Variants in KCNIP4 observed in about 807,000 individuals in gnomAD.
The protein encoded by KCNIP4 is Kv channel-interacting protein 4.
Under a neutral mutation model 34.0 loss-of-function variants are expected in KCNIP4, and 12 were observed. That is an observed-to-expected ratio of 0.35 (90% confidence interval 0.23 to 0.57). The LOEUF is 0.57. Ranked by LOEUF, KCNIP4 falls within the 20% of genes least tolerant of loss-of-function variation. KCNIP4 has a pLI of 0.83. For missense variants in KCNIP4, 238 were observed against 311.7 expected (o/e 0.76, Z 1.78); for synonymous variants, 124 against 102.2 (o/e 1.21, Z -1.29).
intron 1 of KCNIP4, among the ~76,000 whole-genome samples, chr4:21,397,987 C>T (rs918242097): frequency 7.2e-5 from 11 of 152,174 alleles, no homozygotes; most frequent in African/African-American, 2.4e-4. Context: ...TCACACACAC[C>T]GTGGGGTCAC....
intron 1 of KCNIP4, among the ~76,000 whole-genome samples, chr4:21,392,749 T>C (rs1265835363): frequency 2.0e-5 from 3 of 152,238 alleles, no homozygotes; most frequent in Non-Finnish European, 4.4e-5. Flanking sequence ...TCTGAAATTC[T>C]CATTATTAAC....
chr4:20,744,027 GGC>G (rs1244400626), intron 5 of KCNIP4, among the ~76,000 whole-genome samples: 2 of 152,042 alleles, frequency 1.3e-5, no homozygotes, highest in Non-Finnish European at 2.9e-5. Context: ...CATCATCACT[GGC>G]CATCAGAGAA....
At chr4:21,553,574 C>T (rs1738753040) in intron 1 of KCNIP4, among the ~76,000 whole-genome samples, 1 of 151,992 alleles carries the variant, frequency 6.6e-6, no homozygotes, top group Non-Finnish European at 1.5e-5. Context: ...CTCCATTCTG[C>T]TTGGTGAGGC....
chr4:21,519,438 ATATGTATGTGTATATACACATATG>A (rs1735115895), intron 1 of KCNIP4, among the ~76,000 whole-genome samples: 1 of 138,980 alleles, frequency 7.2e-6, no homozygotes, highest in African/African-American at 2.8e-5. Context: ...ATATGTGTGT[ATATGTATGTGTATATACACATATG>A]TGTGTATGTG....
intron 1 of KCNIP4, among the ~76,000 whole-genome samples, chr4:21,036,356 C>T (rs1741442067): frequency 6.6e-6 from 1 of 152,106 alleles, no homozygotes; most frequent in Admixed American, 6.5e-5. Flanking sequence ...ATGCTAAGCA[C>T]AGGCAAGGGA....
rs372244900 is a variant in KCNIP4 at position 21,126,951 on chromosome 4, AG to A, written c.62-244243del. Among the ~76,000 whole-genome samples, 716 of 152,358 alleles carry A rather than the reference AG, an allele frequency of 4.7e-3. 7 individuals carry two copies. The highest frequency in any genetic ancestry group is 0.016 in the African/African-American group (677 of 41,586). Reference sequence around the variant, plus strand: ...AGGCTTTTACATGGGCTCTCTGTCAAGGTCAGGCATGAATAGCAAGTCCTAA... The same window carrying A: ...AGGCTTTTACATGGGCTCTCTGTCAAGTCAGGCATGAATAGCAAGTCCTAA... On this transcript the variant is annotated intron_variant, in intron 1 of 8. Coordinates refer to ENST00000382152, the MANE Select transcript of KCNIP4 (RefSeq NM_025221.6).
At chr4:20,996,139 A>T (rs960021722) in intron 1 of KCNIP4, among the ~76,000 whole-genome samples, 73 of 152,176 alleles carry the variant, frequency 4.8e-4, no homozygotes, top group Non-Finnish European at 7.4e-5. Context: ...AACAAATCCC[A>T]TTGGTTCCAC....
At chr4:21,023,887 A>C (rs1740301099) in intron 1 of KCNIP4, among the ~76,000 whole-genome samples, 1 of 152,156 alleles carries the variant, frequency 6.6e-6, no homozygotes, top group South Asian at 2.1e-4. Context: ...GTCTGAAAAA[A>C]AACGAAAAAA....
intron 1 of KCNIP4, among the ~76,000 whole-genome samples, chr4:21,234,752 A>G (rs1325596500): frequency 2.0e-5 from 3 of 151,348 alleles, no homozygotes; most frequent in African/African-American, 7.3e-5. Context: ...GGTTCAAGAG[A>G]TTCTCCTGCC....
chr4:20,779,575 A>ACC (rs1560459276), intron 3 of KCNIP4, among the ~76,000 whole-genome samples: 19 of 16,958 alleles, frequency 1.1e-3, no homozygotes, highest in South Asian at 2.1e-3. Flanking sequence ...CCTGCCCCAC[A>ACC]ACCCCCCCCC....
intron 1 of KCNIP4, among the ~76,000 whole-genome samples, chr4:21,067,383 G>A (rs1377782165): frequency 6.6e-6 from 1 of 152,070 alleles, no homozygotes; most frequent in African/African-American, 2.4e-5. Flanking sequence ...AGAGGAAAGA[G>A]TAAAGGGGAT....
intron 1 of KCNIP4, among the ~76,000 whole-genome samples, chr4:21,646,351 G>A (rs1007882128): frequency 1.3e-5 from 2 of 152,074 alleles, no homozygotes; most frequent in African/African-American, 4.8e-5. Context: ...CTTACCTACA[G>A]AAGTTAAGTC....
intron 1 of KCNIP4, among the ~76,000 whole-genome samples, chr4:21,417,126 T>TCTTCACTCCCTCTCACTCTATGAAGC (rs1725017966): frequency 6.6e-6 from 1 of 152,116 alleles, no homozygotes; most frequent in African/African-American, 2.4e-5. Context: ...GAGATCAGGG[T>TCTTCACTCCCTCTCACTCTATGAAGC]CTTCACTCCC....
intron 1 of KCNIP4, among the ~76,000 whole-genome samples, chr4:21,552,911 C>T (rs1429231957): frequency 6.6e-6 from 1 of 151,966 alleles, no homozygotes; most frequent in Non-Finnish European, 1.5e-5. Context: ...GTAAAAGAGC[C>T]ATGGAAATTC....
chr4:21,702,589 G>C (rs1004475734), intron 1 of KCNIP4, among the ~76,000 whole-genome samples: 1 of 151,836 alleles, frequency 6.6e-6, no homozygotes, highest in African/African-American at 2.4e-5. Context: ...TGTTAAGTAA[G>C]TAAATTTAAT....
chr4:21,514,935 T>C (rs1381939043), intron 1 of KCNIP4, among the ~76,000 whole-genome samples: 1 of 152,202 alleles, frequency 6.6e-6, no homozygotes, highest in Non-Finnish European at 1.5e-5. Context: ...TCATTCATAC[T>C]TTCTTACTTC....
intron 1 of KCNIP4, among the ~76,000 whole-genome samples, chr4:21,233,562 T>G (rs1758954871): frequency 6.6e-6 from 1 of 151,628 alleles, no homozygotes; most frequent in Non-Finnish European, 1.5e-5. Flanking sequence ...GAGAGGTGGT[T>G]AAAAAACCAA....
At chr4:20,730,436 A>C (rs111965695) in intron 8 of KCNIP4, among the ~76,000 whole-genome samples, 3 of 152,072 alleles carry the variant, frequency 2.0e-5, no homozygotes, top group African/African-American at 7.2e-5. Flanking sequence ...GAAACTACAG[A>C]GGTGCAGAGG....
At chr4:21,794,201 A>G (rs1037955521) in intron 1 of KCNIP4, among the ~76,000 whole-genome samples, 3 of 152,194 alleles carry the variant, frequency 2.0e-5, no homozygotes, top group Admixed American at 2.0e-4. Context: ...GCAGCACACC[A>G]ACATGGCATA....
Sources: gnomAD v4.1 joint callset for allele counts (sites outside exome capture counted in the v4.1 genomes callset) on GRCh38, gnomAD v4.1.1 for gene constraint, MANE v1.5 for transcripts, NCBI Gene and HGNC (gene_info 2026-07-23, HGNC 2026-07-21) for gene names.